TRHDE: variants seen among roughly 807,000 people sequenced by gnomAD.
TRHDE encodes thyrotropin releasing hormone degrading enzyme.
Under a neutral mutation model 125.7 loss-of-function variants are expected in TRHDE, and 72 were observed. The observed-to-expected ratio is 0.57, with a 90% CI of 0.47 to 0.70. TRHDE has a LOEUF of 0.70. Among genes scored for constraint, TRHDE ranks in the 30% least tolerant of loss-of-function variants. The pLI, the probability that TRHDE is intolerant of heterozygous loss-of-function variation, is 0.00. For missense variants in TRHDE, 1,110 were observed against 1,327.1 expected, an observed-to-expected ratio of 0.84 and a Z score of 2.54; for synonymous variants, 509 against 509.1, an observed-to-expected ratio of 1.00 and a Z score of 0.00.
chr12:72,187,512 A>C (rs1242440560), intron 2 of TRHDE, among the ~76,000 whole-genome samples: 1 of 134,294 alleles, frequency 7.4e-6, no homozygotes. Flanking sequence ...GTGGTGGAGG[A>C]GGAGGAGGAG....
intron 2 of TRHDE, among the ~76,000 whole-genome samples, chr12:72,290,029 C>G (rs755614113): frequency 6.6e-6 from 1 of 152,188 alleles, no homozygotes; most frequent in East Asian, 1.9e-4. Flanking sequence ...TTTAGGAACA[C>G]TAGTATTTAC....
chr12:72,262,262 G>A (rs1327861254), intron 2 of TRHDE, among the ~76,000 whole-genome samples: 1 of 152,150 alleles, frequency 6.6e-6, no homozygotes, highest in Non-Finnish European at 1.5e-5. Flanking sequence ...GATTCATAAT[G>A]TGGATTATAT....
chr12:72,167,325 G>A (rs1160771225), intron 2 of TRHDE, among the ~76,000 whole-genome samples: 1 of 152,134 alleles, frequency 6.6e-6, no homozygotes, highest in Admixed American at 6.5e-5. Context: ...AAGGAACAGA[G>A]AATCATGCCT....
At chr12:72,595,936 G>T (rs1176845417) in intron 12 of TRHDE, among the ~76,000 whole-genome samples, 1 of 151,964 alleles carries the variant, frequency 6.6e-6, no homozygotes, top group Non-Finnish European at 1.5e-5. Context: ...AGATTTCAGG[G>T]CTAAAAAATT....
chr12:72,456,128 TACACAC>T (rs58045175), intron 3 of TRHDE, among the ~76,000 whole-genome samples: 16,617 of 134,634 alleles, frequency 0.12, 1,180 homozygotes, highest in Middle Eastern at 0.2. Flanking sequence ...AATATGTAAT[TACACAC>T]ACACACACAC....
chr12:72,601,278 G>A (rs1416796664), intron 12 of TRHDE, among the ~76,000 whole-genome samples: 1 of 152,118 alleles, frequency 6.6e-6, no homozygotes, highest in Non-Finnish European at 1.5e-5. Flanking sequence ...CATAGACTGA[G>A]TATGTTGCTC....
intron 15 of TRHDE, among the ~76,000 whole-genome samples, chr12:72,644,505 A>G (rs1274895678): frequency 6.6e-6 from 1 of 152,198 alleles, no homozygotes; most frequent in African/African-American, 2.4e-5. Flanking sequence ...AATTCTTGAC[A>G]GCCTCTTAGG....
chr12:72,541,040 A>G (rs1161380910), intron 6 of TRHDE, among the ~76,000 whole-genome samples: 3 of 151,580 alleles, frequency 2.0e-5, no homozygotes, highest in Non-Finnish European at 3.0e-5. Context: ...AACTGTGGAA[A>G]TTCATTGTTG....
At chr12:72,562,020 AT>A in intron 7 of TRHDE, 144 bp from the exon 8 acceptor site, 1 of 471,854 alleles carries the variant, frequency 2.1e-6, no homozygotes, top group South Asian at 3.3e-5. Flanking sequence ...TCTTTGGAAT[AT>A]TTTTAAATGA....
chr12:72,436,644 C>G (rs1034412508), intron 3 of TRHDE, among the ~76,000 whole-genome samples: 1 of 151,760 alleles, frequency 6.6e-6, no homozygotes, highest in East Asian at 1.9e-4. Context: ...TAAGAATATT[C>G]CAAGAGAATC....
intron 2 of TRHDE, among the ~76,000 whole-genome samples, chr12:72,149,887 AG>A (rs1250495395): frequency 2.0e-5 from 3 of 152,210 alleles, no homozygotes; most frequent in African/African-American, 2.4e-5. Context: ...GGTTGCAAAG[AG>A]TTCCACTATA....
intron 6 of TRHDE, among the ~76,000 whole-genome samples, chr12:72,504,391 C>T (rs1878277268): frequency 6.6e-6 from 1 of 151,594 alleles, no homozygotes; most frequent in African/African-American, 2.4e-5. Flanking sequence ...GTAACCTCTG[C>T]CTCCCGGGTT....
At chr12:72,584,407 C>T (rs184798020) in intron 12 of TRHDE, among the ~76,000 whole-genome samples, 3 of 152,046 alleles carry the variant, frequency 2.0e-5, no homozygotes, top group Admixed American at 2.0e-4. Context: ...GTGATGAGAA[C>T]ACAACATTCA....
chr12:72,597,679 A>AAC (rs1260314242), intron 12 of TRHDE, among the ~76,000 whole-genome samples: 3 of 140,094 alleles, frequency 2.1e-5, no homozygotes, highest in Admixed American at 7.2e-5. Context: ...AAAAAAAAAA[A>AAC]AACTAAGAGA....
chr12:72,472,224 C>A lies in TRHDE; in HGVS notation c.1471-843C>A, dbSNP rs572056944. Among the ~76,000 whole-genome samples the A allele has an allele frequency of 5.3e-4, 81 of 152,198 alleles. No individual in the cohort carries two copies. The South Asian group carries it at 0.017, about 31-fold the overall frequency. Reference sequence around the variant, plus strand: ...CCCCCCTACCTCTACAATAAAATGTCAGCTGCATGAGGAGGAACATTATCT... The same window carrying A: ...CCCCCCTACCTCTACAATAAAATGTAAGCTGCATGAGGAGGAACATTATCT... On this transcript the variant is annotated intron_variant, in intron 4 of 18. Transcript: ENST00000261180.
At position 72,253,837 on chromosome 12, in the gene TRHDE, A is replaced by C. The variant is rs1437838593; in HGVS notation, n.280-124158A>C. ...GCCAATTCTTCCTCCTCATCCTGTT[A>C]ATTTGGGGGCTTATGATGATGAGGC... On this transcript the variant is annotated intron_variant and non_coding_transcript_variant, in intron 2 of 4. Coordinates refer to the TRHDE transcript ENST00000548156. The C allele has an allele frequency of 1.3e-5, 2 of 151,866 alleles. 1 individual carries two copies. Among genetic ancestry groups the C allele is most frequent in the South Asian group, 4.2e-4 (2 of 4,802 alleles). The allele number at this position is 151,866 out of a possible 1,614,324, so 9.4% of individuals were successfully genotyped here.
chr12:72,187,837 T>G (rs866119495), intron 2 of TRHDE, among the ~76,000 whole-genome samples: 3 of 152,206 alleles, frequency 2.0e-5, no homozygotes, highest in Middle Eastern at 3.2e-3. Context: ...GAAAGATATG[T>G]ACTGCCTCTG....
chr12:72,410,921 G>A lies in TRHDE; in HGVS notation c.1315+32800G>A, dbSNP rs905563278. On this transcript the variant is annotated intron_variant, in intron 3 of 18. Transcript: ENST00000261180. ...TAAAAACAACATACAGGCCGGGCCC[G>A]GTGGCTCACGCCTGTAATCCCAGCC... is the stretch of plus-strand genomic sequence containing the variant. 1.1e-4 allele frequency among the ~76,000 whole-genome samples: 16 copies of A among 151,508 alleles called. No homozygotes were observed. The South Asian group carries it at 2.3e-3, about 22-fold the overall frequency.
At chr12:72,458,584 T>G (rs11834421) in intron 3 of TRHDE, among the ~76,000 whole-genome samples, 6,127 of 152,218 alleles carry the variant, frequency 0.04, 445 homozygotes, top group African/African-American at 0.14. Context: ...CTCTCCCCAA[T>G]GCATCAGACT....
Sources: gnomAD v4.1 joint callset for allele counts (sites outside exome capture counted in the v4.1 genomes callset) on GRCh38, gnomAD v4.1.1 for gene constraint, MANE v1.5 for transcripts, NCBI Gene and HGNC (gene_info 2026-07-23, HGNC 2026-07-21) for gene names.